Variants in CNTNAP3 observed in about 807,000 individuals in gnomAD.
The protein encoded by CNTNAP3 is contactin-associated protein-like 3.
A neutral mutation model predicts 92.1 loss-of-function variants in CNTNAP3; 36 were observed. The ratio of observed to expected loss-of-function variants is 0.39; its 90% CI spans 0.30 to 0.52. The LOEUF (loss-of-function observed/expected upper bound fraction) is 0.52. Among genes scored for constraint, CNTNAP3 ranks in the 20% least tolerant of loss-of-function variants. The pLI is 0.76. For synonymous variants in CNTNAP3, 232 were observed against 422.3 expected, an observed-to-expected ratio of 0.55 and a Z score of 5.53; for missense variants, 534 against 1,069.6, an observed-to-expected ratio of 0.50 and a Z score of 6.98.
At chr9:39,123,583 A>G (rs1410483581) in intron 13 of CNTNAP3, among the ~76,000 whole-genome samples, 5 of 152,162 alleles carry the variant, frequency 3.3e-5, no homozygotes, top group African/African-American at 1.2e-4. Flanking sequence ...TAAATACAAA[A>G]AAATCCACAC....
intron 18 of CNTNAP3, among the ~76,000 whole-genome samples, chr9:39,093,164 A>G (rs1826247300): frequency 8.3e-6 from 1 of 121,180 alleles, no homozygotes; most frequent in Non-Finnish European, 1.8e-5. Flanking sequence ...CATTCTGACA[A>G]TATTTGTCTT....
intron 12 of CNTNAP3, among the ~76,000 whole-genome samples, chr9:39,136,166 A>AATAAT (rs1821428721): frequency 2.2e-5 from 3 of 136,742 alleles, no homozygotes; most frequent in African/African-American, 8.7e-5. Flanking sequence ...ATAATAATAA[A>AATAAT]AATAATAGTT....
intron 11 of CNTNAP3, among the ~76,000 whole-genome samples, chr9:39,142,823 G>A (rs142483445): frequency 0.012 from 1,824 of 152,200 alleles, 39 homozygotes; most frequent in African/African-American, 0.04. Context: ...GACTGGGAGC[G>A]CAGAATTCTC....
Position 39,249,575 on chromosome 9 carries a change from G to A in CNTNAP3, c.197-10389C>T, listed in dbSNP as rs9407168. 3.3e-3 allele frequency among the ~76,000 whole-genome samples: 27 copies of A among 8,178 alleles called. 2 individuals are homozygous for A. The South Asian group carries it at 0.67, about 202-fold the overall frequency. The allele number at this position is 8,178 out of a possible 152,430, so 5.4% of individuals were successfully genotyped here. A position where few individuals can be genotyped will look rare whatever the true frequency, so the allele number is the denominator to read the frequency against. ...GAGGTTACATTTTCTTCCACACAAA[G>A]AGCTTTCTCACTTACTACTTGCTAT... On this transcript the variant is annotated intron_variant, in intron 2 of 23. Transcript: ENST00000297668.
At chr9:39,116,531 C>G (rs1156762626) in intron 14 of CNTNAP3, among the ~76,000 whole-genome samples, 1 of 152,176 alleles carries the variant, frequency 6.6e-6, no homozygotes, top group African/African-American at 2.4e-5. Flanking sequence ...CATTTTAACT[C>G]ATGGGAAATT....
chr9:39,267,350 C>A, intron 1 of CNTNAP3, among the ~76,000 whole-genome samples: 1 of 143,516 alleles, frequency 7.0e-6, no homozygotes, highest in East Asian at 2.1e-4. Context: ...GTACATCACC[C>A]ATCCAACACT....
intron 18 of CNTNAP3, among the ~76,000 whole-genome samples, chr9:39,094,949 G>A (rs1223279722): frequency 2.0e-5 from 3 of 151,342 alleles, no homozygotes; most frequent in Non-Finnish European, 4.4e-5. Flanking sequence ...ATAATCTTAA[G>A]TTTTCCAATT....
rs1184225315 is a variant in CNTNAP3, at chr9:39,068,065, T to C, written c.*5825A>G. Among the ~76,000 whole-genome samples the C allele has an allele frequency of 1.4e-4, 22 of 152,322 alleles. No individual in the cohort carries two copies. The highest frequency in any genetic ancestry group is 5.1e-4 in the African/African-American group (21 of 41,504). On this transcript the variant is annotated 3_prime_UTR_variant, in exon 24 of 24. Coordinates refer to ENST00000297668, the MANE Select transcript of CNTNAP3 (RefSeq NM_033655.5). Reference sequence around the variant, plus strand: ...ATATTCTTTTTGTGTAAAGCCCAGATATACGTATAGTACTAAAGAGATATG... The same window carrying C: ...ATATTCTTTTTGTGTAAAGCCCAGACATACGTATAGTACTAAAGAGATATG...
intron 15 of CNTNAP3, among the ~76,000 whole-genome samples, chr9:39,104,894 A>G (rs1826562110): frequency 6.6e-6 from 1 of 152,172 alleles, no homozygotes; most frequent in African/African-American, 2.4e-5. Flanking sequence ...TGCTTTGTAA[A>G]GTGGCATTTG....
In CNTNAP3 at chr9:39,099,970, C is replaced by T. The variant is rs369395838; in HGVS notation, c.2936G>A (p.Arg979His). 21 of 1,606,628 alleles carry T rather than the reference C, an allele frequency of 1.3e-5. No homozygotes were observed. The highest frequency in any genetic ancestry group is 2.7e-5 in the African/African-American group (2 of 74,708). The change falls in exon 18 of 24, where the codon CGC (arginine) becomes CAC (histidine). Residue 979 changes from arginine to histidine, a missense_variant. Coordinates refer to ENST00000297668, the MANE Select transcript of CNTNAP3 (RefSeq NM_033655.5). ...CRNGGRCREK[R>H]RGVTCDCAFS... ...GGCACAGTCACAGGTGACCCCCCTG[C>T]GTTTCTCTCTGCATCTCCCTCCATT...
At chr9:39,117,693 T>C in intron 14 of CNTNAP3, among the ~76,000 whole-genome samples, 1 of 152,228 alleles carries the variant, frequency 6.6e-6, no homozygotes. Context: ...GTGTTAATGT[T>C]AATTTCTAAA....
rs1398987612 is a variant in CNTNAP3 at position 39,072,594 on chromosome 9, T to A, written c.*1296A>T. ...GGTAATCTATGGGAATTTGGCCCCATGGTCATAAACCTGTGATCAGACTGG... is the reference window on the plus strand; with the variant it reads ...GGTAATCTATGGGAATTTGGCCCCAAGGTCATAAACCTGTGATCAGACTGG... On this transcript the variant is annotated 3_prime_UTR_variant, in exon 24 of 24. Coordinates refer to ENST00000297668, the MANE Select transcript of CNTNAP3 (RefSeq NM_033655.5). 2.0e-5 allele frequency among the ~76,000 whole-genome samples: 3 copies of A among 152,154 alleles called. No homozygotes were observed. Among genetic ancestry groups the A allele is most frequent in the Non-Finnish European group, 4.4e-5 (3 of 68,020 alleles).
At chr9:39,105,507 T>G (rs2117884223) in intron 15 of CNTNAP3, among the ~76,000 whole-genome samples, 1 of 152,314 alleles carries the variant, frequency 6.6e-6, no homozygotes, top group South Asian at 2.1e-4. Context: ...ATTTATCCAT[T>G]GGTTTATTCA....
intron 23 of CNTNAP3, among the ~76,000 whole-genome samples, chr9:39,076,763 T>A (rs62568851): frequency 6.6e-6 from 1 of 152,084 alleles, no homozygotes; most frequent in Admixed American, 6.6e-5. Flanking sequence ...GGTCAGGAGA[T>A]CGAGACCATT....
At chr9:39,085,051 T>C (rs1408840929) in intron 21 of CNTNAP3, 1 of 142,758 alleles carries the variant, frequency 7.0e-6, no homozygotes, top group African/African-American at 2.6e-5. Context: ...TATTAAAGTA[T>C]AGTTCATTTT....
Position 39,066,053 on chromosome 9 carries a change from C to G in CNTNAP3, c.*7837G>C, listed in dbSNP as rs1055832892. 6.6e-6 allele frequency among the ~76,000 whole-genome samples: 1 copy of G among 152,150 alleles called. No homozygotes were observed. Among genetic ancestry groups the G allele is most frequent in the Non-Finnish European group, 1.5e-5 (1 of 68,014 alleles). ...TTGTCCTCTTTCTCATCTTTTTTGT[C>G]TACTTTCAAGCATTTAAAAATTTAT... On this transcript the variant is annotated 3_prime_UTR_variant, in exon 24 of 24. Coordinates refer to ENST00000297668, the MANE Select transcript of CNTNAP3 (RefSeq NM_033655.5).
intron 10 of CNTNAP3, 94 bp downstream of exon 10, chr9:39,149,712 A>C (rs1218681259): frequency 1.4e-6 from 1 of 706,786 alleles, no homozygotes; most frequent in African/African-American, 1.8e-5. Context: ...AACAACAACA[A>C]AAAAGAGAAC....
chr9:39,204,988 C>G lies in CNTNAP3; in HGVS notation c.391-11713G>C, dbSNP rs1444969144. Among the ~76,000 whole-genome samples, 3 of 82,950 alleles carry G rather than the reference C, an allele frequency of 3.6e-5. No individual in the cohort carries two copies. The East Asian group carries it at 1.1e-3, about 29-fold the overall frequency. The allele number at this position is 82,950 out of a possible 152,430, so 54.4% of individuals were successfully genotyped here. A position where few individuals can be genotyped will look rare whatever the true frequency, so the allele number is the denominator to read the frequency against. ...TTCAAATCATCATCATCATCATCATCATCATCATCATCATCATAGCTTATG... is the reference window on the plus strand; with the variant it reads ...TTCAAATCATCATCATCATCATCATGATCATCATCATCATCATAGCTTATG... On this transcript the variant is annotated intron_variant, in intron 3 of 23. Coordinates refer to ENST00000297668, the MANE Select transcript of CNTNAP3 (RefSeq NM_033655.5).
At chr9:39,231,977 G>A (rs1815416) in intron 3 of CNTNAP3, among the ~76,000 whole-genome samples, 1,560 of 6,016 alleles carry the variant, frequency 0.26, 717 homozygotes, top group Non-Finnish European at 0.57. Context: ...TATATAAGTG[G>A]GAATGTTTCA....
Sources: gnomAD v4.1 joint callset for allele counts (sites outside exome capture counted in the v4.1 genomes callset) on GRCh38, gnomAD v4.1.1 for gene constraint, MANE v1.5 for transcripts, NCBI Gene and HGNC (gene_info 2026-07-23, HGNC 2026-07-21) for gene names.